ROBO2: variants seen among roughly 807,000 people sequenced by gnomAD.
The protein encoded by ROBO2 is roundabout homolog 2.
Under a neutral mutation model 160.8 loss-of-function variants are expected in ROBO2, and 53 were observed. The observed-to-expected ratio is 0.33, with a 90% CI of 0.26 to 0.41. The LOEUF is 0.41. Among genes scored for constraint, ROBO2 ranks in the 10% least tolerant of loss-of-function variants. The probability of loss-of-function intolerance (pLI) is 1.00; values close to 1 mark genes in which losing one functional copy is unlikely to be tolerated. For missense variants in ROBO2, 1,577 were observed against 1,722.4 expected (o/e 0.92, Z 1.49); for synonymous variants, 664 against 611.7 (o/e 1.09, Z -1.26).
At chr3:76,303,678 A>C (rs1295839551) in intron 2 of ROBO2, among the ~76,000 whole-genome samples, 1 of 152,226 alleles carries the variant, frequency 6.6e-6, no homozygotes, top group Admixed American at 6.5e-5. Flanking sequence ...ATTATGAAGT[A>C]AAACACAATC....
chr3:76,294,148 G>C (rs759099784), intron 2 of ROBO2, among the ~76,000 whole-genome samples: 2 of 152,190 alleles, frequency 1.3e-5, no homozygotes, highest in Admixed American at 1.3e-4. Context: ...TGGGTGCCGG[G>C]AGTCGGGGAG....
chr3:76,674,598 T>TCACACGCACACACA (rs1553863150), intron 2 of ROBO2, among the ~76,000 whole-genome samples: 1 of 148,068 alleles, frequency 6.8e-6, no homozygotes, highest in African/African-American at 2.5e-5. Flanking sequence ...ACCTCCTAGT[T>TCACACGCACACACA]CACACACACA....
intron 2 of ROBO2, among the ~76,000 whole-genome samples, chr3:76,110,424 A>G (rs1334333847): frequency 2.0e-5 from 3 of 152,134 alleles, no homozygotes; most frequent in Non-Finnish European, 4.4e-5. Flanking sequence ...CATATGCTTA[A>G]TAATCACATG....
intron 2 of ROBO2, among the ~76,000 whole-genome samples, chr3:76,325,626 G>A (rs1044042617): frequency 1.3e-5 from 2 of 151,900 alleles, no homozygotes; most frequent in Admixed American, 6.6e-5. Context: ...AGCCAAAGCA[G>A]GTGATGTTGA....
At chr3:76,014,406 G>A (rs866201418) in intron 2 of ROBO2, among the ~76,000 whole-genome samples, 1 of 152,194 alleles carries the variant, frequency 6.6e-6, no homozygotes, top group Non-Finnish European at 1.5e-5. Context: ...AAAGGCAATT[G>A]GCGGCTGGCC....
chr3:76,278,145 G>A (rs1029673134), intron 2 of ROBO2, among the ~76,000 whole-genome samples: 8 of 151,880 alleles, frequency 5.3e-5, no homozygotes, highest in Admixed American at 1.3e-4. Context: ...CTGCCACAGA[G>A]CAAGACTAAT....
At position 77,101,822 on chromosome 3, in the gene ROBO2, T is replaced by C. The variant is rs188591564; in HGVS notation, c.388+3482T>C. On this transcript the variant is annotated intron_variant, in intron 2 of 25. Coordinates refer to ENST00000461745, the Ensembl canonical transcript of ROBO2. ...TGGGAGGCCCAGGTGGGTGGATCAC[T>C]TGAGGCCAGGAGTTTGAGACCAGCC... Among the ~76,000 whole-genome samples, 588 of 152,206 alleles carry C rather than the reference T, an allele frequency of 3.9e-3. 4 individuals carry two copies. Among genetic ancestry groups the C allele is most frequent in the African/African-American group, 0.013 (551 of 41,540 alleles).
chr3:77,056,405 T>C (rs1277908033), intron 1 of ROBO2, among the ~76,000 whole-genome samples: 10 of 152,168 alleles, frequency 6.6e-5, no homozygotes, highest in Non-Finnish European at 1.5e-4. Flanking sequence ...AAATGACATA[T>C]ATTAGTAACT....
chr3:76,689,070 T>A (rs2092744723), intron 2 of ROBO2, among the ~76,000 whole-genome samples: 1 of 152,096 alleles, frequency 6.6e-6, no homozygotes, highest in African/African-American at 2.4e-5. Context: ...TAAATGCGCA[T>A]ATTTATTTCT....
At chr3:77,387,768 T>C (rs1042389885) in intron 2 of ROBO2, among the ~76,000 whole-genome samples, 1 of 152,194 alleles carries the variant, frequency 6.6e-6, no homozygotes, top group African/African-American at 2.4e-5. Flanking sequence ...TCTTATCTTA[T>C]GTAAAGTGTC....
rs147519462 is a variant in ROBO2, at chr3:76,066,771, T to C, written c.109+129169T>C. Among the ~76,000 whole-genome samples, 275 of 152,036 alleles carry C rather than the reference T, an allele frequency of 1.8e-3. 2 individuals carry two copies. The highest frequency in any genetic ancestry group is 8.3e-3 in the Admixed American group (127 of 15,274). ...CTTTATAGTAAGTTCTTTTCTGTTC[T>C]CTTTAAAATTTCATGTTTATTAAGT... On this transcript the variant is annotated intron_variant, in intron 2 of 26. Transcript: ENST00000487694.
intron 2 of ROBO2, among the ~76,000 whole-genome samples, chr3:76,963,999 CA>C (rs2079879360): frequency 6.6e-6 from 1 of 151,932 alleles, no homozygotes. Context: ...ATTACAGAGA[CA>C]AAATACTAGT....
intron 2 of ROBO2, among the ~76,000 whole-genome samples, chr3:77,144,034 G>A (rs779385621): frequency 6.6e-6 from 1 of 152,110 alleles, no homozygotes; most frequent in African/African-American, 2.4e-5. Flanking sequence ...GACTGTCAGT[G>A]TCCTGCATGA....
chr3:75,937,615 A>T, intron 2 of ROBO2: 2 of 1,480,920 alleles, frequency 1.4e-6, no homozygotes, highest in Non-Finnish European at 1.8e-6. Flanking sequence ...AAGTGCAAGG[A>T]TGTTCTAATT....
rs771948864 is a variant in ROBO2, at chr3:77,562,655, C to T, written c.1442C>T (p.Ser481Phe). ...TCTCCCTTCTGTGCACACTAGATTT[C>T]TGATACTGGCACTTATACTTGTGTG... Residue 481 changes from serine (S) to phenylalanine (F), a missense_variant, in exon 10 of 26, where the codon TCT (serine) becomes TTT (phenylalanine). Around this residue, in one of 2 missense-constraint regions of ROBO2, gnomAD observed 940 missense variants for 1,135.5 expected, o/e 0.83. Coordinates refer to ENST00000461745, the Ensembl canonical transcript of ROBO2. 8 of 1,611,184 alleles carry T rather than the reference C, an allele frequency of 5.0e-6. No homozygotes were observed. In the East Asian group the frequency reaches 1.1e-4, roughly 22 times the overall value.
chr3:76,803,440 G>A (rs1318617073), intron 2 of ROBO2, among the ~76,000 whole-genome samples: 2 of 140,436 alleles, frequency 1.4e-5, no homozygotes, highest in Non-Finnish European at 3.1e-5. Flanking sequence ...GAGGAGGAAG[G>A]ATGGAGGGAA....
At position 76,168,856 on chromosome 3, in the gene ROBO2, G is replaced by A. The variant is rs1429763669; in HGVS notation, c.109+231254G>A. Among the ~76,000 whole-genome samples the A allele has an allele frequency of 2.0e-5, 3 of 151,430 alleles. No individual in the cohort carries two copies. In the East Asian group the frequency reaches 5.8e-4, roughly 29 times the overall value. On this transcript the variant is annotated intron_variant, in intron 2 of 26. Transcript: ENST00000487694. ...AATAACCTGCCTTAATGGAAATTGT[G>A]AATATTGATTGCCTATCTAGTATTG... is the stretch of plus-strand genomic sequence containing the variant.
intron 2 of ROBO2, among the ~76,000 whole-genome samples, chr3:77,224,306 C>T (rs1214261348): frequency 6.6e-6 from 1 of 151,878 alleles, no homozygotes; most frequent in Non-Finnish European, 1.5e-5. Context: ...TTTCACAAGC[C>T]ACAAATGTTT....
intron 2 of ROBO2, among the ~76,000 whole-genome samples, chr3:76,733,258 A>G (rs574830293): frequency 6.6e-6 from 1 of 152,340 alleles, no homozygotes; most frequent in South Asian, 2.1e-4. Flanking sequence ...CTGTGTATAC[A>G]AAGAAGGGAG....
Sources: gnomAD v4.1 joint callset for allele counts (sites outside exome capture counted in the v4.1 genomes callset) on GRCh38, gnomAD v4.1.1 for gene constraint, gnomAD v4.1.1 regional missense constraint, MANE v1.5 for transcripts, NCBI Gene and HGNC (gene_info 2026-07-23, HGNC 2026-07-21) for gene names.